Variants in C1orf141 observed in about 807,000 individuals in gnomAD.
The protein encoded by C1orf141 is uncharacterized protein C1orf141.
Under a neutral mutation model 23.2 loss-of-function variants are expected in C1orf141, and 19 were observed. The ratio of observed to expected loss-of-function variants is 0.82; its 90% CI spans 0.57 to 1.20. The LOEUF is 1.20. Among genes scored for constraint, C1orf141 ranks in the 50% most tolerant of loss-of-function variants. C1orf141 has a pLI of 0.00. For missense variants in C1orf141, 469 were observed against 455.1 expected (o/e 1.03, Z -0.28); for synonymous variants, 153 against 154.6 (o/e 0.99, Z 0.08).
At chr1:67,104,977 C>A (rs887578176) in intron 5 of C1orf141, among the ~76,000 whole-genome samples, 8 of 152,130 alleles carry the variant, frequency 5.3e-5, no homozygotes, top group Non-Finnish European at 1.2e-4. Context: ...AATTTAACAA[C>A]TATTATTGAT....
chr1:67,121,999 T>C (rs1009298104), intron 4 of C1orf141: 4 of 152,184 alleles, frequency 2.6e-5, no homozygotes, highest in Non-Finnish European at 5.9e-5. Context: ...ATAACCAAAG[T>C]GATCAGGATG....
chr1:67,095,476 G>T, intron 6 of C1orf141, 55 bp from the exon 7 acceptor site: 1 of 988,252 alleles, frequency 1.0e-6, no homozygotes, highest in Non-Finnish European at 1.4e-6. Context: ...CAGCTTGTCA[G>T]TTCTTGTCTG....
intron 2 of C1orf141, among the ~76,000 whole-genome samples, chr1:67,129,425 T>A (rs13376554): frequency 0.15 from 23,141 of 152,006 alleles, 4,103 homozygotes; most frequent in African/African-American, 0.44. Flanking sequence ...TGATCATGCT[T>A]CTGCACCCCG....
chr1:67,115,840 G>A, intron 4 of C1orf141, among the ~76,000 whole-genome samples: 1 of 152,204 alleles, frequency 6.6e-6, no homozygotes, highest in East Asian at 1.9e-4. Flanking sequence ...TCAGGTACTA[G>A]AAAGGATCAC....
At chr1:67,140,166 C>A (rs1486757061) in intron 1 of C1orf141, among the ~76,000 whole-genome samples, 1 of 152,104 alleles carries the variant, frequency 6.6e-6, no homozygotes, top group Non-Finnish European at 1.5e-5. Flanking sequence ...CTGTTACAAG[C>A]AACAGAAAAT....
intron 5 of C1orf141, chr1:67,113,706 A>C: frequency 7.8e-7 from 1 of 1,279,770 alleles, no homozygotes; most frequent in African/African-American, 1.5e-5. Context: ...AAGTACAATG[A>C]GAATCCGCTG....
intron 5 of C1orf141, among the ~76,000 whole-genome samples, chr1:67,097,135 G>A (rs550853600): frequency 5.9e-5 from 9 of 152,150 alleles, no homozygotes; most frequent in African/African-American, 2.2e-4. Context: ...GAAGTGGGAG[G>A]ACTGCTTAAG....
At chr1:67,134,728 C>G (rs937976440) in intron 1 of C1orf141, among the ~76,000 whole-genome samples, 2 of 152,184 alleles carry the variant, frequency 1.3e-5, no homozygotes, top group Non-Finnish European at 2.9e-5. Context: ...GAAGAGCCCC[C>G]CGGGCTCGCC....
chr1:67,130,097 A>G (rs1035348949), intron 2 of C1orf141, among the ~76,000 whole-genome samples: 48 of 152,220 alleles, frequency 3.2e-4, no homozygotes, highest in African/African-American at 1.1e-3. Context: ...AAGAGAACAT[A>G]CATTATGATT....
At chr1:67,137,506 A>C (rs1281335378), upstream of C1orf141, among the ~76,000 whole-genome samples, 1 of 152,178 alleles carries the variant, frequency 6.6e-6, no homozygotes, top group East Asian at 1.9e-4. Flanking sequence ...GATTAACCAC[A>C]TGGTTAATCT....
chr1:67,139,764 A>G (rs951097846), upstream of C1orf141, among the ~76,000 whole-genome samples: 5 of 152,120 alleles, frequency 3.3e-5, no homozygotes, highest in African/African-American at 1.2e-4. Flanking sequence ...GCTAGTTTCA[A>G]ACTCCTGGAC....
chr1:67,119,986 C>T (rs1646267624), intron 4 of C1orf141, among the ~76,000 whole-genome samples: 1 of 152,148 alleles, frequency 6.6e-6, no homozygotes, highest in South Asian at 2.1e-4. Context: ...CATGGGTGTG[C>T]AACTCCCGCT....
chr1:67,141,235 G>T (rs1646634740), intron 1 of C1orf141, among the ~76,000 whole-genome samples: 2 of 152,174 alleles, frequency 1.3e-5, no homozygotes, highest in South Asian at 4.1e-4. Flanking sequence ...GTTATCTTAG[G>T]GTGGTAAAGT....
Position 67,093,406 on chromosome 1 carries a change from G to T in C1orf141, c.802C>A (p.Pro268Thr). 6.2e-7 allele frequency: 1 copy of T among 1,612,426 alleles called. No homozygotes were observed. ...IGNQSISLFKPQKTMPTVQRK... is the reference protein window; with the variant it reads ...IGNQSISLFKTQKTMPTVQRK... ...TGTACTGTAGGCATAGTTTTTTGGG[G>T]TTTGAAAAGAGAAATAGATTGATTG... is the stretch of plus-strand genomic sequence containing the variant. The change falls in exon 8 of 8, where the codon CCC (proline) becomes ACC (threonine). Residue 268 changes from proline (P) to threonine (T), a missense_variant. By Grantham distance (38) the Pro-to-Thr change is conservative. Transcript: ENST00000684719.
upstream of C1orf141, among the ~76,000 whole-genome samples, chr1:67,139,848 G>A (rs763412155): frequency 4.6e-5 from 7 of 152,178 alleles, no homozygotes; most frequent in Non-Finnish European, 1.0e-4. Context: ...GCTTGGTGGG[G>A]CCTTTAAAAG....
At chr1:67,122,271 A>T (rs1379961645) in intron 4 of C1orf141, 1 of 152,212 alleles carries the variant, frequency 6.6e-6, no homozygotes, top group African/African-American at 2.4e-5. Context: ...TCCTGACCTC[A>T]GGTGATCAGG....
At chr1:67,113,588 C>T (rs1646126329) in intron 5 of C1orf141, 1 of 510,036 alleles carries the variant, frequency 2.0e-6, no homozygotes, top group Admixed American at 4.2e-5. Context: ...TGGCCTCAAA[C>T]TCTTGACCTC....
intron 4 of C1orf141, among the ~76,000 whole-genome samples, chr1:67,118,786 C>T (rs529759790): frequency 6.6e-5 from 10 of 152,318 alleles, no homozygotes; most frequent in African/African-American, 2.2e-4. Context: ...GCCTTTCTCT[C>T]TATCTCCTCA....
At chr1:67,119,631 T>C (rs999516544) in intron 4 of C1orf141, among the ~76,000 whole-genome samples, 1 of 152,064 alleles carries the variant, frequency 6.6e-6, no homozygotes, top group African/African-American at 2.4e-5. Context: ...TGTGGATGTG[T>C]AACAAGGACC....
Sources: allele counts gnomAD v4.1 joint callset (sites outside exome capture counted in the v4.1 genomes callset), GRCh38; gene constraint gnomAD v4.1.1; transcripts MANE v1.5; gene names NCBI Gene and HGNC (gene_info 2026-07-23, HGNC 2026-07-21).